The following UNC13C variants were observed in gnomAD, a reference collection of about 807,000 sequenced individuals.
UNC13C encodes the protein protein unc-13 homolog C.
UNC13C carries 174 observed loss-of-function variants against 245.4 expected under a neutral mutation model. The observed-to-expected ratio is 0.71, with a 90% CI of 0.63 to 0.80. The LOEUF (loss-of-function observed/expected upper bound fraction) is 0.80, where lower values mean the gene tolerates loss of function less well. Among genes scored for constraint, UNC13C ranks in the 30% least tolerant of loss-of-function variants. The probability of loss-of-function intolerance (pLI) is 0.00; values close to 1 mark genes in which losing one functional copy is unlikely to be tolerated. For missense variants in UNC13C, 2,829 were observed against 2,602.9 expected, an observed-to-expected ratio of 1.09 and a Z score of -1.89; for synonymous variants, 992 against 895.1, an observed-to-expected ratio of 1.11 and a Z score of -1.93.
At chr15:54,082,044 G>A (rs985757973) in intron 2 of UNC13C, among the ~76,000 whole-genome samples, 2 of 152,162 alleles carry the variant, frequency 1.3e-5, no homozygotes, top group African/African-American at 4.8e-5. Flanking sequence ...CACTTATGGA[G>A]TTTAGTTTGT....
chr15:53,947,352 A>T, the UNC13C span, among the ~76,000 whole-genome samples: 1 of 152,210 alleles, frequency 6.6e-6, no homozygotes, highest in Non-Finnish European at 1.5e-5. Flanking sequence ...ATTTTGATTA[A>T]TATTTGTAAA....
At chr15:54,164,823 C>G (rs1256116879) in intron 4 of UNC13C, among the ~76,000 whole-genome samples, 1 of 152,056 alleles carries the variant, frequency 6.6e-6, no homozygotes, top group Admixed American at 6.5e-5. Context: ...TCACAGACAG[C>G]TCTAGTATTG....
At chr15:53,927,252 C>A in the UNC13C span, among the ~76,000 whole-genome samples, 48,003 of 152,012 alleles carry the variant, frequency 0.32, 7,729 homozygotes, top group Non-Finnish European at 0.34. Context: ...ACGTTTTTAA[C>A]CACTTCACTC....
chr15:54,213,781 T>G (rs1236621114), intron 4 of UNC13C, among the ~76,000 whole-genome samples: 1 of 152,026 alleles, frequency 6.6e-6, no homozygotes, highest in Non-Finnish European at 1.5e-5. Flanking sequence ...ATTTCTTATT[T>G]TGTAGCAGAT....
chr15:54,126,649 G>A (rs1218743888), intron 2 of UNC13C, among the ~76,000 whole-genome samples: 1 of 152,080 alleles, frequency 6.6e-6, no homozygotes, highest in East Asian at 1.9e-4. Flanking sequence ...ATAAGCATGG[G>A]CAAAGACTTC....
chr15:53,874,059 C>T, the UNC13C span, among the ~76,000 whole-genome samples: 1 of 151,878 alleles, frequency 6.6e-6, no homozygotes, highest in Non-Finnish European at 1.5e-5. Context: ...TCACTACAGC[C>T]TTGACCTCTA....
In UNC13C at chr15:54,012,900, C is replaced by G. The variant is rs777616815; in HGVS notation, c.-4C>G. The stretch of plus-strand genomic sequence containing the variant: ...GGCAGAAAAGCTTGCACTAATTGCT[C>G]TCCATGGTGGCTAATTTTTTCAAGA... On this transcript the variant is annotated 5_prime_UTR_variant, in exon 2 of 33. Transcript: ENST00000260323. 1.3e-6 allele frequency: 2 copies of G among 1,586,322 alleles called. No individual in the cohort carries two copies. Among genetic ancestry groups the G allele is most frequent in the Admixed American group, 1.8e-5 (1 of 54,970 alleles).
intron 18 of UNC13C, among the ~76,000 whole-genome samples, chr15:54,403,523 A>G (rs538787238): frequency 6.6e-6 from 1 of 151,924 alleles, no homozygotes; most frequent in Non-Finnish European, 1.5e-5. Flanking sequence ...GGAGTTTGAG[A>G]TCAGTACATA....
intron 4 of UNC13C, among the ~76,000 whole-genome samples, chr15:54,150,887 A>G (rs1480723454): frequency 6.6e-6 from 1 of 152,180 alleles, no homozygotes; most frequent in Non-Finnish European, 1.5e-5. Context: ...TAGATTATAA[A>G]TAGTTTCTTT....
intron 10 of UNC13C, among the ~76,000 whole-genome samples, chr15:54,267,145 G>A (rs1411979717): frequency 1.3e-5 from 2 of 149,164 alleles, no homozygotes; most frequent in African/African-American, 5.2e-5. Flanking sequence ...ACTGACATTT[G>A]TATGTAAATA....
chr15:53,901,231 T>C, the UNC13C span, among the ~76,000 whole-genome samples: 141 of 148,732 alleles, frequency 9.5e-4, 1 homozygote, highest in African/African-American at 3.4e-3. Flanking sequence ...TTTTTTTTTT[T>C]TTTTTTGAGA....
chr15:54,547,420 G>A (rs1375040925), intron 27 of UNC13C, among the ~76,000 whole-genome samples: 1 of 152,134 alleles, frequency 6.6e-6, no homozygotes, highest in African/African-American at 2.4e-5. Flanking sequence ...ACAGAGCCAG[G>A]TATCTCTGTT....
intron 2 of UNC13C, among the ~76,000 whole-genome samples, chr15:54,126,957 C>T (rs2031086171): frequency 6.6e-6 from 1 of 152,168 alleles, no homozygotes; most frequent in Non-Finnish European, 1.5e-5. Context: ...ATGAAAAAAG[C>T]TCATAATCAC....
intron 4 of UNC13C, among the ~76,000 whole-genome samples, chr15:54,227,771 A>T (rs768240896): frequency 2.6e-5 from 4 of 152,180 alleles, no homozygotes; most frequent in African/African-American, 7.2e-5. Context: ...CTGTGTCCAG[A>T]CTACCACTGG....
intron 2 of UNC13C, among the ~76,000 whole-genome samples, chr15:54,065,863 C>T (rs1898052925): frequency 6.6e-6 from 1 of 152,190 alleles, no homozygotes; most frequent in Admixed American, 6.5e-5. Flanking sequence ...GAATGACTTA[C>T]TGACTTCCAA....
At chr15:54,122,195 T>C (rs1170578947) in intron 2 of UNC13C, among the ~76,000 whole-genome samples, 2 of 151,872 alleles carry the variant, frequency 1.3e-5, no homozygotes, top group African/African-American at 4.8e-5. Flanking sequence ...ATGATAACAG[T>C]CCTATGTGTC....
At chr15:54,183,078 A>G (rs1214365882) in intron 4 of UNC13C, among the ~76,000 whole-genome samples, 1 of 151,996 alleles carries the variant, frequency 6.6e-6, no homozygotes, top group African/African-American at 2.4e-5. Flanking sequence ...AGAAAAATAA[A>G]ATAACAAAAT....
chr15:54,156,845 A>C (rs539358098), intron 4 of UNC13C, among the ~76,000 whole-genome samples: 2 of 151,538 alleles, frequency 1.3e-5, no homozygotes, highest in African/African-American at 4.9e-5. Context: ...ATAATTTTTG[A>C]AAGGCACCTA....
chr15:54,061,182 A>T (rs1179078641), intron 2 of UNC13C, among the ~76,000 whole-genome samples: 1 of 152,090 alleles, frequency 6.6e-6, no homozygotes, highest in Non-Finnish European at 1.5e-5. Flanking sequence ...AGAAATTAAC[A>T]TCTTAGGAGC....
Sources: allele counts gnomAD v4.1 joint callset (sites outside exome capture counted in the v4.1 genomes callset), GRCh38; gene constraint gnomAD v4.1.1; transcripts MANE v1.5; gene names NCBI Gene and HGNC (gene_info 2026-07-23, HGNC 2026-07-21).